Variants in ACAD9 observed in about 807,000 individuals in gnomAD.
ACAD9 encodes complex I assembly factor ACAD9, mitochondrial.
A neutral mutation model predicts 70.2 loss-of-function variants in ACAD9; 53 were observed. The observed-to-expected ratio is 0.75, with a 90% CI of 0.61 to 0.95. The LOEUF (loss-of-function observed/expected upper bound fraction) is 0.95. Among genes scored for constraint, ACAD9 ranks in the 40% least tolerant of loss-of-function variants. The pLI is 0.00. For missense variants in ACAD9, 777 were observed against 802.8 expected, an observed-to-expected ratio of 0.97 and a Z score of 0.39; for synonymous variants, 313 against 312.1, an observed-to-expected ratio of 1.00 and a Z score of -0.03.
In ACAD9 at chr3:128,904,060, A is replaced by G; in HGVS notation, c.959-2A>G. On this transcript the variant is annotated splice_acceptor_variant, in intron 9 of 17. Transcript: ENST00000308982. LOFTEE classifies it high-confidence loss of function. ...CATTCTAATAACTCTGCTCTTCCTCAGAAATGACTGCTGAGTACGCCTGCA... is the reference window on the plus strand; with the variant it reads ...CATTCTAATAACTCTGCTCTTCCTCGGAAATGACTGCTGAGTACGCCTGCA... The G allele has an allele frequency of 1.9e-6, 3 of 1,614,204 alleles. No homozygotes were observed. The highest frequency in any genetic ancestry group is 2.2e-5 in the South Asian group (2 of 91,082).
intron 17 of ACAD9, 44 bp from the exon 18 acceptor site, chr3:128,912,463 A>G: frequency 6.4e-7 from 1 of 1,561,896 alleles, no homozygotes; most frequent in Non-Finnish European, 8.8e-7. Flanking sequence ...TTGTCTTATC[A>G]CGGTGCAGAA....
At chr3:128,901,488 T>C (rs1433245829) in intron 8 of ACAD9, 139 bp downstream of exon 8, 3 of 972,514 alleles carry the variant, frequency 3.1e-6, no homozygotes, top group Non-Finnish European at 3.2e-6. Flanking sequence ...TGTTGGGAAA[T>C]TGGCAAAATG....
intron 9 of ACAD9, among the ~76,000 whole-genome samples, chr3:128,903,155 T>TAGAAC (rs1382796564): frequency 3.9e-5 from 6 of 152,150 alleles, no homozygotes; most frequent in Non-Finnish European, 7.4e-5. Flanking sequence ...CCAGTGAACT[T>TAGAAC]AGAACAGCCC....
At chr3:128,912,162 CCCCAGTGCTGACAGGTT>C (rs969254390) in intron 17 of ACAD9, among the ~76,000 whole-genome samples, 9 of 152,312 alleles carry the variant, frequency 5.9e-5, no homozygotes, top group Admixed American at 2.6e-4. Context: ...CCAGACACCC[CCCCAGTGCTGACAGGTT>C]ATGTGCTGTG....
chr3:128,909,025 C>G lies in ACAD9; in HGVS notation c.1411C>G (p.Leu471Val). ...AGTCATGGATACCGTTGGCCGGAGGCTTCGGGACTCCCTGGGCCGAACTGT... is the reference window on the plus strand; with the variant it reads ...AGTCATGGATACCGTTGGCCGGAGGGTTCGGGACTCCCTGGGCCGAACTGT... ...STVMDTVGRR[L>V]RDSLGRTVDL... The change falls in exon 14 of 18, where the codon CTT becomes GTT. Residue 471 changes from leucine (L) to valine (V), a missense_variant. Physicochemically the swap from Leu to Val is conservative, Grantham distance 32. Transcript: ENST00000308982. The G allele has an allele frequency of 6.2e-7, 1 of 1,614,194 alleles. No homozygotes were observed. Among genetic ancestry groups the G allele is most frequent in the Non-Finnish European group, 8.5e-7 (1 of 1,180,036 alleles).
At chr3:128,895,530 G>T in intron 4 of ACAD9, 114 bp downstream of exon 4, 2 of 969,512 alleles carry the variant, frequency 2.1e-6, no homozygotes, top group Non-Finnish European at 3.2e-6. Context: ...CTGACCTTCA[G>T]CCCTGCCCTT....
Position 128,899,367 on chromosome 3 carries a change from G to A in ACAD9, c.714G>A (p.Val238=), listed in dbSNP as rs1391510021. ...KTEVVDSDGS[V]KDKITAFIVE... ...AGGTCGTTGATTCTGATGGATCAGT[G>A]AAAGACAAAATCACAGCATTCATAG... Residue 238 remains valine (V), a synonymous_variant, in exon 7 of 18, where the codon GTG becomes GTA. Transcript: ENST00000308982. 5 of 1,614,278 alleles carry A rather than the reference G, an allele frequency of 3.1e-6. No individual in the cohort carries two copies. In the South Asian group the frequency reaches 4.4e-5, roughly 14 times the overall value.
intron 17 of ACAD9, among the ~76,000 whole-genome samples, chr3:128,911,367 A>T (rs1936295642): frequency 6.6e-6 from 1 of 150,992 alleles, no homozygotes; most frequent in Admixed American, 6.6e-5. Flanking sequence ...CTGCCAAGGC[A>T]ATTTTAGATT....
intron 1 of ACAD9, among the ~76,000 whole-genome samples, chr3:128,883,052 G>A (rs1276821623): frequency 4.0e-5 from 6 of 151,494 alleles, no homozygotes; most frequent in Admixed American, 2.6e-4. Context: ...AAAGGCTGCA[G>A]AGTGATGGAG....
chr3:128,894,180 CA>C (rs1272485912), intron 3 of ACAD9, among the ~76,000 whole-genome samples: 1 of 152,198 alleles, frequency 6.6e-6, no homozygotes, highest in Non-Finnish European at 1.5e-5. Context: ...TGTTTACCCT[CA>C]GGCCCTTTTG....
chr3:128,897,649 C>T lies in ACAD9; in HGVS notation c.572C>T (p.Ser191Leu), dbSNP rs765661475. 1.2e-5 allele frequency: 20 copies of T among 1,613,712 alleles called. 1 individual carries two copies. The Admixed American group carries it at 3.3e-4, about 27-fold the overall frequency. Residue 191 changes from serine to leucine, a missense_variant, in exon 6 of 18, where the codon TCA (serine) becomes TTA (leucine). By Grantham distance (145) the Ser-to-Leu change is moderately radical (BLOSUM62 -2). Transcript: ENST00000308982. ...ATCTGCAGTGGGAGCGATGCAGCCT[C>T]AATCCGGAGCAGAGCCACACTAAGT... ...TEPASGSDAA[S>L]IRSRATLSED...
intron 2 of ACAD9, among the ~76,000 whole-genome samples, chr3:128,892,220 A>G (rs1352028649): frequency 6.6e-6 from 1 of 152,228 alleles, no homozygotes; most frequent in Non-Finnish European, 1.5e-5. Context: ...ACTGACAAAT[A>G]TGTCAGAACT....
chr3:128,886,831 A>G (rs1367940542), intron 2 of ACAD9, among the ~76,000 whole-genome samples: 1 of 150,550 alleles, frequency 6.6e-6, no homozygotes, highest in East Asian at 1.9e-4. Context: ...AGACAGCTGG[A>G]TTCTCATACC....
At position 128,893,475 on chromosome 3, in the gene ACAD9, A is replaced by T. The variant is rs1389174967; in HGVS notation, c.245-80A>T. On this transcript the variant is annotated intron_variant, in intron 2 of 17. Transcript: ENST00000308982. ...TCTACTCTGGGATTATATATGATTA[A>T]TATATAAACACTGTCCTGTTTACTT... 2.7e-6 allele frequency: 3 copies of T among 1,100,554 alleles called. No homozygotes were observed. In the East Asian group the frequency reaches 7.4e-5, roughly 27 times the overall value. 68.2% of individuals were successfully genotyped at this position (1,100,554 alleles called of 1,614,324 possible).
chr3:128,886,077 T>G (rs1468682478), intron 2 of ACAD9, among the ~76,000 whole-genome samples: 1 of 151,342 alleles, frequency 6.6e-6, no homozygotes, highest in Non-Finnish European at 1.5e-5. Flanking sequence ...CATTACATGT[T>G]AACATAATAT....
Position 128,884,646 on chromosome 3 carries a change from T to C in ACAD9, c.151-7T>C, listed in dbSNP as rs904560266. 15 of 1,599,048 alleles carry C rather than the reference T, an allele frequency of 9.4e-6. No homozygotes were observed. The African/African-American group carries it at 1.9e-4, about 20-fold the overall frequency. ...TAAATTTTTTAGAAAATATTTACTA[T>C]TTTTAGAAAGAAGTTTTCCCATTTC... is the stretch of plus-strand genomic sequence containing the variant. On this transcript the variant is annotated splice_polypyrimidine_tract_variant and splice_region_variant and intron_variant, in intron 1 of 17. Transcript: ENST00000308982.
chr3:128,880,110 A>C (rs1015400519), intron 1 of ACAD9: 3 of 1,234,074 alleles, frequency 2.4e-6, no homozygotes, highest in Non-Finnish European at 2.2e-6. Flanking sequence ...ACTCTAGGCT[A>C]GGTAATTAAC....
At position 128,896,494 on chromosome 3, in the gene ACAD9, C is replaced by T. The variant is rs936239611; in HGVS notation, c.512C>T (p.Ser171Phe). The change falls in exon 5 of 18, where the codon TCC becomes TTC. Residue 171 changes from serine (S) to phenylalanine (F), a missense_variant. Coordinates refer to ENST00000308982, the MANE Select transcript of ACAD9 (RefSeq NM_014049.5). Reference protein sequence around the residue: ...QKAKYLPKLASGEHIAAFCLT... With the variant: ...QKAKYLPKLAFGEHIAAFCLT... ...GCCAAATACTTGCCTAAACTGGCGT[C>T]CGGGGAGCACATTGCAGCCTTCTGC... The T allele has an allele frequency of 1.2e-6, 2 of 1,614,104 alleles. No homozygotes were observed. The highest frequency in any genetic ancestry group is 1.7e-6 in the Non-Finnish European group (2 of 1,180,052).
In ACAD9 at chr3:128,901,393, G is replaced by A. The variant is rs377674328; in HGVS notation, c.882+44G>A. The A allele has an allele frequency of 3.7e-6, 6 of 1,606,580 alleles. No individual in the cohort carries two copies. The African/African-American group carries it at 6.7e-5, about 18-fold the overall frequency. On this transcript the variant is annotated intron_variant, in intron 8 of 17. Coordinates refer to ENST00000308982, the MANE Select transcript of ACAD9 (RefSeq NM_014049.5). ...CCCCTTGTACCAGGTAGTGTCATGAGTGCAGTTTGTCGCCCCCAGCTTTTG... is the reference window on the plus strand; with the variant it reads ...CCCCTTGTACCAGGTAGTGTCATGAATGCAGTTTGTCGCCCCCAGCTTTTG...
Sources: gnomAD v4.1 joint callset for allele counts (sites outside exome capture counted in the v4.1 genomes callset) on GRCh38, gnomAD v4.1.1 for gene constraint, MANE v1.5 for transcripts, NCBI Gene and HGNC (gene_info 2026-07-23, HGNC 2026-07-21) for gene names.